The following PPP2R2C variants were observed in gnomAD, a reference collection of about 807,000 sequenced individuals.
PPP2R2C encodes the protein protein phosphatase 2 regulatory subunit Bgamma, also known as protein phosphatase 2, regulatory subunit B, gamma.
In PPP2R2C, 10 loss-of-function variants were observed where a neutral mutation model predicts 45.3. The ratio of observed to expected loss-of-function variants is 0.22; its 90% CI spans 0.14 to 0.37. PPP2R2C has a LOEUF of 0.37. Ranked by LOEUF, PPP2R2C falls within the 10% of genes least tolerant of loss-of-function variation. The pLI is 1.00. For missense variants in PPP2R2C, 308 were observed against 619.7 expected, an observed-to-expected ratio of 0.50 and a Z score of 5.34; for synonymous variants, 257 against 245.4, an observed-to-expected ratio of 1.05 and a Z score of -0.44.
chr4:6,448,986 C>G (rs1720587722), intron 1 of PPP2R2C, among the ~76,000 whole-genome samples: 1 of 152,222 alleles, frequency 6.6e-6, no homozygotes, highest in Admixed American at 6.5e-5. Flanking sequence ...GGACCCAGGC[C>G]AGGTTCAGGC....
At chr4:6,339,305 C>T (rs1224778827) in intron 6 of PPP2R2C, among the ~76,000 whole-genome samples, 2 of 152,254 alleles carry the variant, frequency 1.3e-5, no homozygotes, top group Non-Finnish European at 2.9e-5. Flanking sequence ...TCTTGGCGCC[C>T]CTGCCTAGCA....
intron 1 of PPP2R2C, among the ~76,000 whole-genome samples, chr4:6,545,604 T>G (rs73796247): frequency 0.029 from 4,423 of 152,308 alleles, 222 homozygotes; most frequent in African/African-American, 0.1. Flanking sequence ...CAGACATGAA[T>G]GCACTCAGCC....
At chr4:6,457,374 A>G (rs557105273) in intron 1 of PPP2R2C, among the ~76,000 whole-genome samples, 331 of 151,552 alleles carry the variant, frequency 2.2e-3, no homozygotes, top group African/African-American at 7.5e-3. Context: ...TGCACTGGGA[A>G]TTTTTTTTTC....
intron 5 of PPP2R2C, among the ~76,000 whole-genome samples, chr4:6,356,341 G>A (rs1713187894): frequency 6.6e-6 from 1 of 152,228 alleles, no homozygotes; most frequent in African/African-American, 2.4e-5. Context: ...TGAGTGAGGT[G>A]TGCCCCTTCT....
intron 1 of PPP2R2C, among the ~76,000 whole-genome samples, chr4:6,454,842 A>G (rs1720932431): frequency 6.6e-6 from 1 of 152,184 alleles, no homozygotes; most frequent in Non-Finnish European, 1.5e-5. Flanking sequence ...ATAAAGCCCT[A>G]ATGTGATCAC....
At chr4:6,446,907 TGGAGGA>T (rs1720452099) in intron 1 of PPP2R2C, among the ~76,000 whole-genome samples, 1 of 146,068 alleles carries the variant, frequency 6.8e-6, no homozygotes, top group Admixed American at 6.8e-5. Flanking sequence ...ACATGCTGGA[TGGAGGA>T]GTGAGGGATA....
chr4:6,326,518 G>A (rs1041237299), intron 8 of PPP2R2C, among the ~76,000 whole-genome samples: 2 of 152,168 alleles, frequency 1.3e-5, no homozygotes, highest in Admixed American at 6.5e-5. Context: ...GGATTCCTCC[G>A]GGTAGGTAAC....
chr4:6,513,452 A>G (rs983627157), intron 2 of PPP2R2C, among the ~76,000 whole-genome samples: 1 of 152,128 alleles, frequency 6.6e-6, no homozygotes, highest in Non-Finnish European at 1.5e-5. Context: ...CCAGGGGTGG[A>G]ACAGGGGGTG....
At chr4:6,533,349 G>T (rs1467174223) in intron 2 of PPP2R2C, among the ~76,000 whole-genome samples, 2 of 152,152 alleles carry the variant, frequency 1.3e-5, no homozygotes, top group African/African-American at 2.4e-5. Flanking sequence ...CTCAAACAAG[G>T]CTGTAAAATG....
chr4:6,408,221 A>T (rs1043602410), intron 1 of PPP2R2C, among the ~76,000 whole-genome samples: 1 of 152,222 alleles, frequency 6.6e-6, no homozygotes, highest in Non-Finnish European at 1.5e-5. Context: ...AGTGCCAACA[A>T]AATGGCAGAA....
At chr4:6,393,247 C>G (rs1716779549) in intron 1 of PPP2R2C, among the ~76,000 whole-genome samples, 1 of 152,148 alleles carries the variant, frequency 6.6e-6, no homozygotes. Context: ...CCTATCCCCT[C>G]CTCTCCCCAG....
In PPP2R2C at chr4:6,328,092, C is replaced by A. The variant is rs1732103595; in HGVS notation, c.1052+1170G>T. On this transcript the variant is annotated intron_variant, in intron 8 of 8. Transcript: ENST00000382599. The surrounding 1 kb of genome is among the most constrained non-coding windows in gnomAD (Gnocchi z 4.4). ...CACAGTGCCAGCCACCCTCAGAGGT[C>A]TGGGAGAGCCCAGACCTGTCATGTT... Among the ~76,000 whole-genome samples, 1 of 152,132 alleles carries A rather than the reference C, an allele frequency of 6.6e-6. No individual in the cohort carries two copies. The highest frequency in any genetic ancestry group is 2.1e-4 in the South Asian group (1 of 4,804).
intron 6 of PPP2R2C, among the ~76,000 whole-genome samples, chr4:6,344,740 T>G (rs914341910): frequency 2.0e-5 from 3 of 152,212 alleles, no homozygotes; most frequent in African/African-American, 7.2e-5. Flanking sequence ...CAGAGTTTTC[T>G]CTGTTTCCAC....
At chr4:6,362,173 G>T (rs1443650952) in intron 5 of PPP2R2C, among the ~76,000 whole-genome samples, 2 of 152,124 alleles carry the variant, frequency 1.3e-5, no homozygotes, top group African/African-American at 4.8e-5. Context: ...AACTCAGAGG[G>T]AGCATAGGCT....
At chr4:6,407,907 G>T (rs968663757) in intron 1 of PPP2R2C, among the ~76,000 whole-genome samples, 4 of 152,168 alleles carry the variant, frequency 2.6e-5, no homozygotes, top group Non-Finnish European at 1.5e-5. Flanking sequence ...AGTCTGAGCT[G>T]GGATGTATGG....
intron 3 of PPP2R2C, among the ~76,000 whole-genome samples, chr4:6,376,715 A>G (rs905977295): frequency 3.3e-5 from 5 of 152,204 alleles, no homozygotes; most frequent in Middle Eastern, 3.4e-3. Flanking sequence ...CAGCCTCCCA[A>G]AGTGCTGAGA....
At chr4:6,446,606 G>A (rs1286323243) in intron 1 of PPP2R2C, among the ~76,000 whole-genome samples, 1 of 152,138 alleles carries the variant, frequency 6.6e-6, no homozygotes, top group African/African-American at 2.4e-5. Flanking sequence ...GGGCTTGTAG[G>A]AACTGATGAA....
At chr4:6,523,597 G>C (rs1381566796) in intron 2 of PPP2R2C, 1 of 152,206 alleles carries the variant, frequency 6.6e-6, no homozygotes, top group Non-Finnish European at 1.5e-5. Flanking sequence ...AGAGACGCGG[G>C]ACCTGCACAC....
intron 2 of PPP2R2C, among the ~76,000 whole-genome samples, chr4:6,524,233 A>T (rs1303765547): frequency 2.0e-5 from 3 of 152,070 alleles, no homozygotes; most frequent in African/African-American, 7.2e-5. Context: ...GAAGGAATGA[A>T]GTTCTAATGC....
Sources: gnomAD v4.1 joint callset for allele counts (sites outside exome capture counted in the v4.1 genomes callset) on GRCh38, gnomAD v4.1.1 for gene constraint, Gnocchi (gnomAD v3.1) non-coding constraint, MANE v1.5 for transcripts, NCBI Gene and HGNC (gene_info 2026-07-23, HGNC 2026-07-21) for gene names.